LPIN1: variants seen among roughly 807,000 people sequenced by gnomAD.
LPIN1 encodes phosphatidate phosphatase LPIN1.
LPIN1 carries 71 observed loss-of-function variants against 107.5 expected under a neutral mutation model. That is an observed-to-expected ratio of 0.66 (90% CI 0.55 to 0.80). The LOEUF is 0.80. Among genes scored for constraint, LPIN1 ranks in the 30% least tolerant of loss-of-function variants. The pLI is 0.00. For missense variants in LPIN1, 1,043 were observed against 1,160.6 expected, an observed-to-expected ratio of 0.90 and a Z score of 1.47; for synonymous variants, 445 against 452.6, an observed-to-expected ratio of 0.98 and a Z score of 0.21.
At chr2:11,698,660 G>A (rs543252655) in intron 1 of LPIN1, among the ~76,000 whole-genome samples, 6 of 152,322 alleles carry the variant, frequency 3.9e-5, no homozygotes, top group African/African-American at 4.8e-5. Context: ...CAGGACTCCC[G>A]CTGCTGGGCA....
At chr2:11,716,000 G>A (rs1187884110) in intron 2 of LPIN1, among the ~76,000 whole-genome samples, 1 of 152,148 alleles carries the variant, frequency 6.6e-6, no homozygotes, top group African/African-American at 2.4e-5. Flanking sequence ...GGAGGCAGGG[G>A]GGCAGCTTGG....
chr2:11,796,429 A>G (rs1271670565), intron 14 of LPIN1, among the ~76,000 whole-genome samples: 1 of 152,064 alleles, frequency 6.6e-6, no homozygotes, highest in Non-Finnish European at 1.5e-5. Flanking sequence ...CTTTGCTACA[A>G]ACAGAAACCC....
chr2:11,747,903 G>C (rs1667203205), intron 1 of LPIN1, among the ~76,000 whole-genome samples: 1 of 152,222 alleles, frequency 6.6e-6, no homozygotes, highest in Admixed American at 6.5e-5. Context: ...CTGTGGTCCT[G>C]TGGAGCCAGG....
chr2:11,684,128 G>A (rs552679652), intron 1 of LPIN1, among the ~76,000 whole-genome samples: 68 of 152,184 alleles, frequency 4.5e-4, no homozygotes, highest in Non-Finnish European at 8.4e-4. Flanking sequence ...CTTGTGATCC[G>A]AATGGCAGCT....
intron 1 of LPIN1, among the ~76,000 whole-genome samples, chr2:11,679,527 T>C (rs1430950274): frequency 1.3e-5 from 2 of 152,220 alleles, no homozygotes; most frequent in East Asian, 3.8e-4. Flanking sequence ...CACCGAAGGC[T>C]CCTTGTAATG....
chr2:11,699,097 T>C (rs1662734956), intron 1 of LPIN1, among the ~76,000 whole-genome samples: 1 of 152,244 alleles, frequency 6.6e-6, no homozygotes, highest in African/African-American at 2.4e-5. Flanking sequence ...TGCAATTTTA[T>C]TTTGTTTGTT....
intron 17 of LPIN1, among the ~76,000 whole-genome samples, chr2:11,811,245 C>T (rs1176763402): frequency 1.3e-5 from 2 of 152,198 alleles, no homozygotes; most frequent in African/African-American, 4.8e-5. Flanking sequence ...GTGGGTTGAG[C>T]AGGGACTTGG....
intron 9 of LPIN1, chr2:11,784,409 C>A: frequency 6.3e-6 from 7 of 1,112,158 alleles, no homozygotes; most frequent in Non-Finnish European, 7.7e-6. Flanking sequence ...TACTGGGCGG[C>A]GCCCCACCTC....
intron 10 of LPIN1, among the ~76,000 whole-genome samples, chr2:11,785,527 A>G (rs993902826): frequency 2.6e-5 from 4 of 152,192 alleles, no homozygotes; most frequent in African/African-American, 9.7e-5. Flanking sequence ...CACCTGCCAC[A>G]TTCGTAGCAA....
intron 1 of LPIN1, among the ~76,000 whole-genome samples, chr2:11,679,942 G>A (rs1340514270): frequency 6.6e-6 from 1 of 152,260 alleles, no homozygotes; most frequent in East Asian, 1.9e-4. Flanking sequence ...TTGCTGAAGG[G>A]TGGCTGCAGA....
intron 1 of LPIN1, among the ~76,000 whole-genome samples, chr2:11,712,657 G>A (rs1296982641): frequency 6.6e-6 from 1 of 152,210 alleles, no homozygotes; most frequent in Non-Finnish European, 1.5e-5. Context: ...ATGAGGTGGG[G>A]TGCAGGGCCA....
chr2:11,783,859 GCGT>G lies in LPIN1; in HGVS notation c.1297_1299del (p.Val433del). On this transcript the variant is annotated inframe_deletion, in exon 9 of 21. Coordinates refer to ENST00000674199, the MANE Select transcript of LPIN1 (RefSeq NM_001349206.2). ...CGAAGCCGACATCTTGGTGCTGACG[GCGT>G]CTACTTGGATGACCTCACAGACATG... is the stretch of plus-strand genomic sequence containing the variant. The G allele has an allele frequency of 1.2e-6, 2 of 1,614,174 alleles. No homozygotes were observed. The highest frequency in any genetic ancestry group is 1.7e-6 in the Non-Finnish European group (2 of 1,180,024).
chr2:11,813,589 C>A (rs1680057083), intron 17 of LPIN1, among the ~76,000 whole-genome samples: 1 of 152,012 alleles, frequency 6.6e-6, no homozygotes, highest in African/African-American at 2.4e-5. Flanking sequence ...GAGCACATTT[C>A]ATTCTAGACA....
At chr2:11,746,884 G>A (rs1667030847) in intron 1 of LPIN1, among the ~76,000 whole-genome samples, 1 of 152,174 alleles carries the variant, frequency 6.6e-6, no homozygotes, top group African/African-American at 2.4e-5. Context: ...CCCGGAGGCC[G>A]GGAGGGCCTC....
Position 11,803,472 on chromosome 2 carries a change from C to G in LPIN1, c.2013+439C>G, listed in dbSNP as rs532089885. On this transcript the variant is annotated intron_variant, in intron 15 of 20. Coordinates refer to ENST00000674199, the MANE Select transcript of LPIN1 (RefSeq NM_001349206.2). This position sits in a 1 kb window ranked among gnomAD's most constrained non-coding sequence, Gnocchi z 4.2. ...GAATTTCAGGTAACCAGGGGCATCA[C>G]CTGGTCATGGTGTCCTTTTATTTTT... Among the ~76,000 whole-genome samples, 1 of 152,208 alleles carries G rather than the reference C, an allele frequency of 6.6e-6. No homozygotes were observed. The highest frequency in any genetic ancestry group is 1.5e-5 in the Non-Finnish European group (1 of 68,030).
chr2:11,795,749 A>G (rs564822233), intron 14 of LPIN1, among the ~76,000 whole-genome samples: 30 of 152,360 alleles, frequency 2.0e-4, no homozygotes, highest in Non-Finnish European at 4.1e-4. Flanking sequence ...TGGTCCTGGC[A>G]TGCAATAGTC....
At chr2:11,778,970 A>C (rs1243392825) in intron 6 of LPIN1, among the ~76,000 whole-genome samples, 1 of 152,232 alleles carries the variant, frequency 6.6e-6, no homozygotes, top group African/African-American at 2.4e-5. Flanking sequence ...GCTCCTGCCC[A>C]ACGTTATCGA....
intron 1 of LPIN1, among the ~76,000 whole-genome samples, chr2:11,694,641 C>G (rs146185641): frequency 1.3e-5 from 2 of 152,294 alleles, no homozygotes; most frequent in East Asian, 1.9e-4. Context: ...TTGGTGTACC[C>G]CCATCTGCTT....
At chr2:11,815,544 G>A (rs528703759) in intron 18 of LPIN1, among the ~76,000 whole-genome samples, 1 of 151,948 alleles carries the variant, frequency 6.6e-6, no homozygotes, top group Non-Finnish European at 1.5e-5. Flanking sequence ...CCAGACAATT[G>A]TCTCTGCTTG....
Sources: gnomAD v4.1 joint callset for allele counts (sites outside exome capture counted in the v4.1 genomes callset) on GRCh38, gnomAD v4.1.1 for gene constraint, Gnocchi (gnomAD v3.1) non-coding constraint, MANE v1.5 for transcripts, NCBI Gene and HGNC (gene_info 2026-07-23, HGNC 2026-07-21) for gene names.